Variants in KIF21B observed in about 807,000 individuals in gnomAD.
KIF21B encodes kinesin-like protein KIF21B.
KIF21B carries 85 observed loss-of-function variants against 192.9 expected under a neutral mutation model. The observed-to-expected ratio is 0.44, with a 90% CI of 0.37 to 0.53. The LOEUF (loss-of-function observed/expected upper bound fraction) is 0.53. Among genes scored for constraint, KIF21B ranks in the 20% least tolerant of loss-of-function variants. The pLI, the probability that KIF21B is intolerant of heterozygous loss-of-function variation, is 0.00. For synonymous variants in KIF21B, 832 were observed against 884.6 expected, an observed-to-expected ratio of 0.94 and a Z score of 1.05; for missense variants, 1,716 against 2,194.8, an observed-to-expected ratio of 0.78 and a Z score of 4.36.
chr1:200,987,208 AAAG>A lies in KIF21B; in HGVS notation c.3409-10_3409-8del, dbSNP rs770501874. 23 of 1,611,026 alleles carry A rather than the reference AAAG, an allele frequency of 1.4e-5. No individual in the cohort carries two copies. The highest frequency in any genetic ancestry group is 3.3e-5 in the Admixed American group (2 of 59,774). ...CAGACAGTTTGGGCTCGCTCTGGGA[AAAG>A]AAGAACAGGGTGGATCAACTTGCCC... On this transcript the variant is annotated splice_polypyrimidine_tract_variant and splice_region_variant and intron_variant, in intron 24 of 34. Transcript: ENST00000461742.
At chr1:201,002,075 G>T in intron 9 of KIF21B, 86 bp downstream of exon 9, 2 of 1,206,910 alleles carry the variant, frequency 1.7e-6, no homozygotes, top group African/African-American at 1.5e-5. Context: ...GGCTGGCTTA[G>T]TCCACCTGAT....
In KIF21B at chr1:200,990,452, C is replaced by T; in HGVS notation, c.2836-120G>A. Reference sequence around the variant, plus strand: ...GAGGTCCCCCCAGCACCTCTGGATTCCAGAGCAGGCAAAAGGAGCAGAGGG... The same window carrying T: ...GAGGTCCCCCCAGCACCTCTGGATTTCAGAGCAGGCAAAAGGAGCAGAGGG... On this transcript the variant is annotated intron_variant, in intron 19 of 34. Coordinates refer to ENST00000461742, the MANE Select transcript of KIF21B (RefSeq NM_001252102.2). This position sits in a 1 kb window ranked among gnomAD's most constrained non-coding sequence, Gnocchi z 5.4. 1 of 1,480,094 alleles carries T rather than the reference C, an allele frequency of 6.8e-7. No homozygotes were observed. Among genetic ancestry groups the T allele is most frequent in the Non-Finnish European group, 9.2e-7 (1 of 1,088,254 alleles). 91.7% of individuals were successfully genotyped at this position (1,480,094 alleles called of 1,614,324 possible).
Position 200,984,902 on chromosome 1 carries a change from A to C in KIF21B, c.3760T>G (p.Ser1254Ala). 1.9e-6 allele frequency: 3 copies of C among 1,606,998 alleles called. No individual in the cohort carries two copies. Among genetic ancestry groups the C allele is most frequent in the Non-Finnish European group, 1.7e-6 (2 of 1,177,470 alleles). ...TGGCTCTGATTACTGGTGAGACGAG[A>C]GAAGACATTGCGGTCATTGCGGGGC... ...TRPRNDRNVFSRLTSNQSQGS... is the reference protein window; with the variant it reads ...TRPRNDRNVFARLTSNQSQGS... The change falls in exon 27 of 35, where the codon TCT becomes GCT. Residue 1254 changes from serine to alanine, a missense_variant. Physicochemically the swap from Ser to Ala is moderately conservative, Grantham distance 99 (BLOSUM62 1). Coordinates refer to ENST00000461742, the MANE Select transcript of KIF21B (RefSeq NM_001252102.2).
rs760631083 is a variant in KIF21B at position 200,990,475 on chromosome 1, G to A, written c.2835+101C>T. ...TTCCAGAGCAGGCAAAAGGAGCAGA[G>A]GGAAGTGGGGCAGGGAAAGGTCTGA... On this transcript the variant is annotated intron_variant, in intron 19 of 34. Coordinates refer to ENST00000461742, the MANE Select transcript of KIF21B (RefSeq NM_001252102.2). The surrounding 1 kb of genome is among the most constrained non-coding windows in gnomAD (Gnocchi z 5.4). 3.3e-6 allele frequency: 5 copies of A among 1,502,002 alleles called. No homozygotes were observed. The highest frequency in any genetic ancestry group is 4.5e-6 in the Non-Finnish European group (5 of 1,100,776). The allele number at this position is 1,502,002 out of a possible 1,614,324, so 93.0% of individuals were successfully genotyped here. A position where few individuals can be genotyped will look rare whatever the true frequency, so the allele number is the denominator to read the frequency against.
At chr1:201,009,827 G>A (rs562331292) in intron 1 of KIF21B, among the ~76,000 whole-genome samples, 1 of 152,330 alleles carries the variant, frequency 6.6e-6, no homozygotes, top group Admixed American at 6.5e-5. Flanking sequence ...AACTGAAGCT[G>A]AGAGAGTTTA....
intron 3 of KIF21B, among the ~76,000 whole-genome samples, chr1:201,006,921 GACAC>G (rs1419702518): frequency 3.8e-5 from 4 of 104,858 alleles, no homozygotes; most frequent in South Asian, 3.0e-4. Context: ...GACACACACA[GACAC>G]ACACACACAG....
chr1:201,009,547 C>T, intron 1 of KIF21B, 59 bp from the exon 2 acceptor site: 1 of 1,501,236 alleles, frequency 6.7e-7, no homozygotes, highest in Non-Finnish European at 9.1e-7. Context: ...TGCCACAGGC[C>T]CCTCCCTCAC....
In KIF21B at chr1:200,998,722, T is replaced by C; in HGVS notation, c.1886-147A>G. On this transcript the variant is annotated intron_variant, in intron 13 of 34. Transcript: ENST00000461742. This position sits in a 1 kb window ranked among gnomAD's most constrained non-coding sequence, Gnocchi z 4.3. Reference sequence around the variant, plus strand: ...GACTGGGCAAAATGATAAATCCTAATGCAGGTAGAATGCGGCCAGAAGGAG... The same window carrying C: ...GACTGGGCAAAATGATAAATCCTAACGCAGGTAGAATGCGGCCAGAAGGAG... 1.5e-6 allele frequency: 1 copy of C among 675,574 alleles called. No homozygotes were observed. The allele number at this position is 675,574 out of a possible 1,614,324, so 41.8% of individuals were successfully genotyped here.
chr1:200,998,366 G>C lies in KIF21B; in HGVS notation c.2077+18C>G. ...GGGAGGGTCCGGATGGGGTGGAGGG[G>C]CATGGCGGTGGCCTCACTGAGGTTC... On this transcript the variant is annotated intron_variant, in intron 14 of 34. Transcript: ENST00000461742. This position sits in a 1 kb window ranked among gnomAD's most constrained non-coding sequence, Gnocchi z 4.3. 6.2e-7 allele frequency: 1 copy of C among 1,601,810 alleles called. No individual in the cohort carries two copies. The highest frequency in any genetic ancestry group is 1.7e-5 in the Admixed American group (1 of 59,816).
chr1:200,975,360 G>C lies in KIF21B; in HGVS notation c.4614+139C>G. ...GATGGAGACAGAGGAGGAAGAGGGA[G>C]AACAGGAGGGCTTGGGGAGCTGTGA... On this transcript the variant is annotated intron_variant, in intron 33 of 34. Transcript: ENST00000461742. The surrounding 1 kb of genome is among the most constrained non-coding windows in gnomAD (Gnocchi z 4.3). 1 of 724,918 alleles carries C rather than the reference G, an allele frequency of 1.4e-6. No individual in the cohort carries two copies. Among genetic ancestry groups the C allele is most frequent in the South Asian group, 1.9e-5 (1 of 53,448 alleles). 44.9% of individuals were successfully genotyped at this position (724,918 alleles called of 1,614,324 possible).
Position 201,002,162 on chromosome 1 carries a change from G to C in KIF21B, c.1401C>G (p.Ala467=). ...CTGGCCTGGCACAGCCCAACTCACC[G>C]GCCTTGGCTAGCAGCAGGTTGGCCT... The part of the protein sequence containing the change: ...SQEANLLLAK[A]GDGNEAIGAL... The change falls in exon 9 of 35, where the codon GCC becomes GCG. Residue 467 remains alanine (A), a splice_region_variant and synonymous_variant. Transcript: ENST00000461742. 1 of 1,613,676 alleles carries C rather than the reference G, an allele frequency of 6.2e-7. No individual in the cohort carries two copies. Among genetic ancestry groups the C allele is most frequent in the South Asian group, 1.1e-5 (1 of 91,076 alleles).
chr1:200,973,529 G>A lies in KIF21B; in HGVS notation c.4864C>T (p.Pro1622Ser), dbSNP rs1571903371. The change falls in exon 35 of 35, where the codon CCA becomes TCA. Residue 1622 changes from proline (P) to serine (S), a missense_variant. Physicochemically the swap from Pro to Ser is moderately conservative, Grantham distance 74. Around this residue, in one of 3 missense-constraint regions of KIF21B, gnomAD observed 580 missense variants for 775.5 expected, o/e 0.75. Coordinates refer to ENST00000461742, the MANE Select transcript of KIF21B (RefSeq NM_001252102.2). ...TCCCTCTGACCTCACTCCTAGGGTG[G>A]GCCGCTGTGGGGTAACCGCCGGACA... The part of the protein sequence containing the change: ...WSVRRLPHSG[P>S]P The A allele has an allele frequency of 1.4e-6, 2 of 1,481,144 alleles. No homozygotes were observed. Among genetic ancestry groups the A allele is most frequent in the Admixed American group, 2.7e-5 (1 of 36,728 alleles). The allele number at this position is 1,481,144 out of a possible 1,614,324, so 91.8% of individuals were successfully genotyped here.
At position 200,990,627 on chromosome 1, in the gene KIF21B, C is replaced by A. The variant is rs1656623731; in HGVS notation, c.2784G>T (p.Met928Ile). ...CCAGGTTGACAATGGTCATTCTCTGCATGACGATGTCAATGATCCGTCGCT... is the reference window on the plus strand; with the variant it reads ...CCAGGTTGACAATGGTCATTCTCTGAATGACGATGTCAATGATCCGTCGCT... ...SLERRIIDIV[M>I]QRMTIVNLEA... Residue 928 changes from methionine (M) to isoleucine (I), a missense_variant, in exon 19 of 35, where the codon ATG (methionine) becomes ATT (isoleucine). Around this residue, in one of 3 missense-constraint regions of KIF21B, gnomAD observed 1,087 missense variants for 1,316.6 expected, o/e 0.83. Transcript: ENST00000461742. This position sits in a 1 kb window ranked among gnomAD's most constrained non-coding sequence, Gnocchi z 5.4. 4 of 1,614,136 alleles carry A rather than the reference C, an allele frequency of 2.5e-6. No homozygotes were observed. The highest frequency in any genetic ancestry group is 2.2e-5 in the East Asian group (1 of 44,884).
At position 200,973,486 on chromosome 1, in the gene KIF21B, G is replaced by C. The variant is rs1233487774; in HGVS notation, c.*35C>G. ...CTTCCATGGTGTCCAGGCTGCTGGG[G>C]TCGAGGGTCCGGGGGCATCCCTCTG... On this transcript the variant is annotated 3_prime_UTR_variant, in exon 35 of 35. Coordinates refer to ENST00000461742, the MANE Select transcript of KIF21B (RefSeq NM_001252102.2). 1 of 1,417,488 alleles carries C rather than the reference G, an allele frequency of 7.1e-7. No individual in the cohort carries two copies. The highest frequency in any genetic ancestry group is 9.1e-7 in the Non-Finnish European group (1 of 1,093,570). 87.8% of individuals were successfully genotyped at this position (1,417,488 alleles called of 1,614,324 possible).
intron 1 of KIF21B, among the ~76,000 whole-genome samples, chr1:201,014,838 G>A (rs1658417152): frequency 6.6e-6 from 1 of 152,216 alleles, no homozygotes; most frequent in African/African-American, 2.4e-5. Context: ...TCACTGACGA[G>A]AGGTCACAGG....
chr1:201,008,707 G>A (rs959287986), intron 3 of KIF21B, 62 bp downstream of exon 3: 18 of 1,461,946 alleles, frequency 1.2e-5, no homozygotes, highest in African/African-American at 1.4e-5. Context: ...AGGAAGGCCC[G>A]GCTTCCATGG....
chr1:200,999,999 G>T lies in KIF21B; in HGVS notation c.1686-35C>A. 6.3e-7 allele frequency: 1 copy of T among 1,591,922 alleles called. No homozygotes were observed. Among genetic ancestry groups the T allele is most frequent in the Non-Finnish European group, 8.6e-7 (1 of 1,161,286 alleles). ...GAGGACAGGGAAGCTGGATTAGGAA[G>T]GCTGCCCCTGCCCTGAGCACATGGG... On this transcript the variant is annotated intron_variant, in intron 11 of 34. Transcript: ENST00000461742. This position sits in a 1 kb window ranked among gnomAD's most constrained non-coding sequence, Gnocchi z 4.7.
intron 34 of KIF21B, chr1:200,974,035 A>G: frequency 6.3e-7 from 1 of 1,586,340 alleles, no homozygotes; most frequent in Middle Eastern, 1.7e-4. Flanking sequence ...GAAGTGGGGA[A>G]AGAGAGGGAA....
At chr1:200,974,964 A>G in intron 33 of KIF21B, 51 bp from the exon 34 acceptor site, 1 of 1,567,202 alleles carries the variant, frequency 6.4e-7, no homozygotes, top group Non-Finnish European at 8.7e-7. Flanking sequence ...TGAGGGAGAG[A>G]ACCTGCCCCA....
Sources: allele counts gnomAD v4.1 joint callset (sites outside exome capture counted in the v4.1 genomes callset), GRCh38; gene constraint gnomAD v4.1.1; regional missense constraint gnomAD v4.1.1; non-coding constraint Gnocchi (gnomAD v3.1); transcripts MANE v1.5; gene names NCBI Gene and HGNC (gene_info 2026-07-23, HGNC 2026-07-21).